Variants in RAPGEF6 observed in about 807,000 individuals in gnomAD.
RAPGEF6 encodes the protein Rap guanine nucleotide exchange factor 6.
A neutral mutation model predicts 171.4 loss-of-function variants in RAPGEF6; 56 were observed. The observed-to-expected ratio is 0.33, with a 90% CI of 0.26 to 0.41. RAPGEF6 has a LOEUF of 0.41. RAPGEF6 is among the 10% of genes least tolerant of loss of function. The pLI is 1.00. For missense variants in RAPGEF6, 1,674 were observed against 1,921.4 expected (o/e 0.87, Z 2.41); for synonymous variants, 692 against 650.1 (o/e 1.06, Z -0.98).
chr5:131,570,595 T>C (rs1580594598), intron 4 of RAPGEF6, among the ~76,000 whole-genome samples: 1 of 152,146 alleles, frequency 6.6e-6, no homozygotes, highest in Non-Finnish European at 1.5e-5. Context: ...AAATGCAGTA[T>C]CAACAATTTA....
At chr5:131,433,297 C>T (rs1245424416) in intron 25 of RAPGEF6, 133 bp downstream of exon 25, 1 of 693,592 alleles carries the variant, frequency 1.4e-6, no homozygotes, top group Non-Finnish European at 2.5e-6. Flanking sequence ...AGAATATGTG[C>T]TTGGCCCACA....
intron 3 of RAPGEF6, among the ~76,000 whole-genome samples, chr5:131,602,643 C>T (rs1049426696): frequency 2.0e-5 from 3 of 152,076 alleles, no homozygotes; most frequent in Non-Finnish European, 4.4e-5. Context: ...TGCCCGTAAA[C>T]CCAGCTACTT....
intron 6 of RAPGEF6, among the ~76,000 whole-genome samples, chr5:131,547,379 G>A (rs779975162): frequency 5.3e-5 from 8 of 151,924 alleles, no homozygotes; most frequent in Non-Finnish European, 1.0e-4. Flanking sequence ...TTTGGAAACT[G>A]GTAACTATGA....
At position 131,439,545 on chromosome 5, in the gene RAPGEF6, G is replaced by A. The variant is rs368881681; in HGVS notation, c.3745+36C>T. On this transcript the variant is annotated intron_variant, in intron 24 of 27. Coordinates refer to ENST00000509018, the MANE Select transcript of RAPGEF6 (RefSeq NM_016340.6). ...AATATGTGCTATAAAGTATTGTTTA[G>A]TTTAACAAGAACTAGTTTGAAATGT... The A allele has an allele frequency of 2.8e-5, 44 of 1,572,524 alleles. No homozygotes were observed. In the African/African-American group the frequency reaches 5.4e-4, roughly 19 times the overall value.
chr5:131,623,643 G>A (rs911514944), intron 1 of RAPGEF6, among the ~76,000 whole-genome samples: 9 of 151,846 alleles, frequency 5.9e-5, no homozygotes, highest in South Asian at 2.1e-4. Flanking sequence ...GCACCACCAC[G>A]CCCGGCTAAT....
chr5:131,532,165 G>A (rs1192495393), intron 6 of RAPGEF6: 1 of 450,556 alleles, frequency 2.2e-6, no homozygotes, highest in Non-Finnish European at 4.4e-6. Context: ...TTCCTAGGCT[G>A]GAAAGGGTAG....
At chr5:131,450,966 C>G (rs1389143553) in intron 21 of RAPGEF6, among the ~76,000 whole-genome samples, 1 of 152,098 alleles carries the variant, frequency 6.6e-6, no homozygotes. Context: ...CTGGCAGGGT[C>G]ACAAATTCAT....
chr5:131,565,385 A>G (rs534198535), intron 4 of RAPGEF6, among the ~76,000 whole-genome samples: 2 of 152,346 alleles, frequency 1.3e-5, no homozygotes, highest in South Asian at 4.1e-4. Context: ...CTGATTAAAA[A>G]GAGATATATC....
At chr5:131,512,593 A>C (rs1757809229) in intron 7 of RAPGEF6, among the ~76,000 whole-genome samples, 1 of 152,192 alleles carries the variant, frequency 6.6e-6, no homozygotes, top group Non-Finnish European at 1.5e-5. Flanking sequence ...ATTTCTGCAC[A>C]GCTTTAAGTA....
intron 3 of RAPGEF6, among the ~76,000 whole-genome samples, chr5:131,601,037 C>T (rs1436028183): frequency 2.7e-5 from 4 of 148,946 alleles, no homozygotes; most frequent in Middle Eastern, 7.1e-3. Flanking sequence ...ATCTCTTGAG[C>T]CTAGGAGTTC....
At position 131,603,276 on chromosome 5, in the gene RAPGEF6, G is replaced by C; in HGVS notation, c.192C>G (p.Leu64=). The change falls in exon 3 of 28, where the codon CTC becomes CTG. Residue 64 remains leucine (L), a synonymous_variant. Transcript: ENST00000509018. The part of the protein sequence containing the change: ...RYERYSGNQV[L]FCSETIARCW... ...TGAATTATGGAAATACTTACCAAAAGAGAACCTGATTGCCACTGTATCTCT... is the reference window on the plus strand; with the variant it reads ...TGAATTATGGAAATACTTACCAAAACAGAACCTGATTGCCACTGTATCTCT... The C allele has an allele frequency of 6.3e-7, 1 of 1,584,250 alleles. No individual in the cohort carries two copies. Among genetic ancestry groups the C allele is most frequent in the Admixed American group, 1.8e-5 (1 of 55,610 alleles).
chr5:131,472,131 G>A (rs1305494826), intron 17 of RAPGEF6: 4 of 183,550 alleles, frequency 2.2e-5, no homozygotes, highest in Non-Finnish European at 4.6e-5. Context: ...GAGTGCAGTG[G>A]TCCGATCTCG....
At chr5:131,582,936 A>G (rs73788706) in intron 4 of RAPGEF6, among the ~76,000 whole-genome samples, 4,046 of 152,336 alleles carry the variant, frequency 0.027, 191 homozygotes, top group African/African-American at 0.092. Flanking sequence ...GTATTTTTCA[A>G]AATATATGAA....
chr5:131,515,637 T>G (rs766951038), intron 7 of RAPGEF6, among the ~76,000 whole-genome samples: 25 of 152,278 alleles, frequency 1.6e-4, no homozygotes, highest in Non-Finnish European at 8.8e-5. Context: ...AAAAGTGACA[T>G]GTCCGAGAGA....
chr5:131,474,380 C>T (rs944612640), intron 16 of RAPGEF6, among the ~76,000 whole-genome samples: 2 of 152,174 alleles, frequency 1.3e-5, no homozygotes, highest in East Asian at 1.9e-4. Context: ...GCAGGAGAAT[C>T]GCTTGAACCC....
Position 131,461,693 on chromosome 5 carries a change from G to A in RAPGEF6, c.2864+12C>T, listed in dbSNP as rs150690997. The A allele has an allele frequency of 3.2e-6, 5 of 1,583,608 alleles. No individual in the cohort carries two copies. The Admixed American group carries it at 8.5e-5, about 27-fold the overall frequency. The stretch of plus-strand genomic sequence containing the variant: ...ACCATACAGACATTTGTACCTATTT[G>A]TACCAACTTACCTTATTATTGCAAA... On this transcript the variant is annotated intron_variant, in intron 19 of 27. Coordinates refer to ENST00000509018, the MANE Select transcript of RAPGEF6 (RefSeq NM_016340.6).
At chr5:131,624,642 C>A (rs949605633) in intron 1 of RAPGEF6, among the ~76,000 whole-genome samples, 1 of 152,006 alleles carries the variant, frequency 6.6e-6, no homozygotes, top group South Asian at 2.1e-4. Context: ...AACAAACAAA[C>A]AAACAAAAAC....
chr5:131,522,253 T>C (rs535931459), intron 6 of RAPGEF6, among the ~76,000 whole-genome samples: 95 of 152,252 alleles, frequency 6.2e-4, no homozygotes, highest in South Asian at 2.7e-3. Flanking sequence ...ATATATTTCA[T>C]GCCGTAAAAG....
At chr5:131,595,783 G>C (rs1167892072) in intron 3 of RAPGEF6, among the ~76,000 whole-genome samples, 1 of 152,168 alleles carries the variant, frequency 6.6e-6, no homozygotes, top group Non-Finnish European at 1.5e-5. Flanking sequence ...ATATAGAATG[G>C]CTGAATGGAT....
Sources: gnomAD v4.1 joint callset for allele counts (sites outside exome capture counted in the v4.1 genomes callset) on GRCh38, gnomAD v4.1.1 for gene constraint, MANE v1.5 for transcripts, NCBI Gene and HGNC (gene_info 2026-07-23, HGNC 2026-07-21) for gene names.